Variants in SLC12A1 observed in about 807,000 individuals in gnomAD.
The protein encoded by SLC12A1 is Na-K-2Cl cotransporter.
A neutral mutation model predicts 130.4 loss-of-function variants in SLC12A1; 89 were observed. The ratio of observed to expected loss-of-function variants is 0.68; its 90% confidence interval spans 0.58 to 0.81. The LOEUF is 0.81. Ranked by LOEUF, SLC12A1 falls within the 40% of genes least tolerant of loss-of-function variation. The pLI is 0.00. For missense variants in SLC12A1, 1,310 were observed against 1,336.4 expected (o/e 0.98, Z 0.31); for synonymous variants, 499 against 460.0 (o/e 1.08, Z -1.09).
At chr15:48,283,154 T>A (rs569716842) in intron 20 of SLC12A1, among the ~76,000 whole-genome samples, 1 of 152,332 alleles carries the variant, frequency 6.6e-6, no homozygotes, top group South Asian at 2.1e-4. Context: ...GTTGCATAAA[T>A]ATACTGCCTA....
At chr15:48,255,958 G>A (rs2041703090) in intron 16 of SLC12A1, 48 bp downstream of exon 16, 1 of 1,158,548 alleles carries the variant, frequency 8.6e-7, no homozygotes, top group African/African-American at 1.5e-5. Flanking sequence ...CCCTAGAAGT[G>A]GCTCTCCTTT....
chr15:48,227,746 T>A (rs1314512429), intron 5 of SLC12A1: 2 of 153,148 alleles, frequency 1.3e-5, no homozygotes, highest in African/African-American at 4.8e-5. Flanking sequence ...TCTTCCTTTG[T>A]TCCCCCTCCC....
Position 48,288,081 on chromosome 15 carries a change from G to C in SLC12A1, c.2668G>C (p.Glu890Gln). Residue 890 changes from glutamate to glutamine, a missense_variant, in exon 22 of 27, where the codon GAG becomes CAG. Glu to Gln is a conservative substitution (Grantham distance 29, BLOSUM62 2). Transcript: ENST00000380993. ...CACAAGCCAGTCGATGCATGTGGGA[G>C]AGTTCAACCAGAAACTGGTGGAAGC... ...INTSQSMHVG[E>Q]FNQKLVEAST... The C allele has an allele frequency of 6.2e-7, 1 of 1,611,024 alleles. No individual in the cohort carries two copies. Among genetic ancestry groups the C allele is most frequent in the South Asian group, 1.1e-5 (1 of 90,334 alleles).
At chr15:48,280,105 A>G (rs1411894145) in intron 20 of SLC12A1, among the ~76,000 whole-genome samples, 1 of 151,724 alleles carries the variant, frequency 6.6e-6, no homozygotes, top group African/African-American at 2.4e-5. Flanking sequence ...ACGACTCTCT[A>G]TCCTTAAGAT....
intron 20 of SLC12A1, among the ~76,000 whole-genome samples, chr15:48,280,154 C>T (rs1250629938): frequency 7.1e-6 from 1 of 140,392 alleles, no homozygotes; most frequent in Non-Finnish European, 1.5e-5. Flanking sequence ...CTGCCTATTT[C>T]TAAAAGATAT....
chr15:48,212,942 CTTG>C (rs1260890100), intron 2 of SLC12A1, among the ~76,000 whole-genome samples: 3 of 152,130 alleles, frequency 2.0e-5, no homozygotes, highest in Non-Finnish European at 4.4e-5. Flanking sequence ...TTGTTGAGAA[CTTG>C]TTATGTTTCA....
chr15:48,216,856 A>G (rs1349313730), intron 2 of SLC12A1, among the ~76,000 whole-genome samples: 2 of 152,174 alleles, frequency 1.3e-5, no homozygotes, highest in Non-Finnish European at 2.9e-5. Context: ...TCTTTCAGAG[A>G]AAAACAGAAT....
Position 48,240,891 on chromosome 15 carries a change from A to T in SLC12A1, c.1216-624A>T, listed in dbSNP as rs1408071532. ...TGAACTCAACTTAGTGAATGTATAT[A>T]CATTTATAAGCAAGAGAAAAGCCCA... On this transcript the variant is annotated intron_variant, in intron 9 of 26. Transcript: ENST00000380993. 2.0e-5 allele frequency among the ~76,000 whole-genome samples: 3 copies of T among 152,234 alleles called. No individual in the cohort carries two copies. The East Asian group carries it at 5.8e-4, about 29-fold the overall frequency.
chr15:48,229,115 T>C (rs1158142046), intron 5 of SLC12A1, 74 bp from the exon 6 acceptor site: 1 of 1,443,104 alleles, frequency 6.9e-7, no homozygotes, highest in Non-Finnish European at 9.4e-7. Context: ...GTAAATGTTC[T>C]CAGATAGTCA....
intron 17 of SLC12A1, among the ~76,000 whole-genome samples, chr15:48,264,546 CCT>C (rs2141083325): frequency 6.6e-6 from 1 of 152,116 alleles, no homozygotes; most frequent in Non-Finnish European, 1.5e-5. Flanking sequence ...TATCAGTGAG[CCT>C]CTGTTATGAT....
At chr15:48,224,640 A>T (rs2041260349) in intron 4 of SLC12A1, 1 of 152,214 alleles carries the variant, frequency 6.6e-6, no homozygotes, top group African/African-American at 2.4e-5. Context: ...GCTGATAAGC[A>T]TCCAAAATTG....
chr15:48,206,445 A>T (rs1567299014), intron 1 of SLC12A1, 115 bp downstream of exon 1: 1 of 152,200 alleles, frequency 6.6e-6, no homozygotes. Flanking sequence ...TTTTGTAAAA[A>T]CTAAAACGAT....
At chr15:48,274,459 G>A (rs1365523061) in intron 19 of SLC12A1, 112 bp from the exon 20 acceptor site, 13 of 731,196 alleles carry the variant, frequency 1.8e-5, no homozygotes. Flanking sequence ...TTCTAAGGTG[G>A]ATTTTAATAG....
intron 24 of SLC12A1, among the ~76,000 whole-genome samples, chr15:48,294,044 AAAAAAAAG>A (rs1192988599): frequency 2.0e-5 from 3 of 151,532 alleles, no homozygotes; most frequent in South Asian, 2.1e-4. Context: ...ATCTCAAAAA[AAAAAAAAG>A]AAAAAAAGAA....
At chr15:48,276,302 G>T (rs912500720) in intron 20 of SLC12A1, among the ~76,000 whole-genome samples, 1 of 152,130 alleles carries the variant, frequency 6.6e-6, no homozygotes, top group African/African-American at 2.4e-5. Flanking sequence ...AATCTGAGCT[G>T]GAAATACAGA....
At chr15:48,288,733 T>G (rs1233272643) in intron 23 of SLC12A1, among the ~76,000 whole-genome samples, 1 of 152,192 alleles carries the variant, frequency 6.6e-6, no homozygotes, top group Non-Finnish European at 1.5e-5. Flanking sequence ...CTGTCACAAA[T>G]GCTTTCCAAA....
chr15:48,297,262 C>T (rs2042186510), intron 24 of SLC12A1, among the ~76,000 whole-genome samples: 2 of 152,206 alleles, frequency 1.3e-5, no homozygotes, highest in South Asian at 4.1e-4. Flanking sequence ...TCCCAAATTA[C>T]TGAGCTCAGG....
At chr15:48,215,266 T>G (rs2041106721) in intron 2 of SLC12A1, among the ~76,000 whole-genome samples, 1 of 152,208 alleles carries the variant, frequency 6.6e-6, no homozygotes, top group Non-Finnish European at 1.5e-5. Flanking sequence ...TTAAACTGCA[T>G]GTGATTGAAG....
At chr15:48,210,838 G>A (rs1053715986) in intron 2 of SLC12A1, among the ~76,000 whole-genome samples, 3 of 151,896 alleles carry the variant, frequency 2.0e-5, no homozygotes, top group Non-Finnish European at 4.4e-5. Context: ...ACTCCAGTCT[G>A]GGCAACAGGA....
Sources: gnomAD v4.1 joint callset for allele counts (sites outside exome capture counted in the v4.1 genomes callset) on GRCh38, gnomAD v4.1.1 for gene constraint, MANE v1.5 for transcripts, NCBI Gene and HGNC (gene_info 2026-07-23, HGNC 2026-07-21) for gene names.